NAALADL2: variants seen among roughly 807,000 people sequenced by gnomAD.
NAALADL2 encodes inactive N-acetylated-alpha-linked acidic dipeptidase-like protein 2.
A neutral mutation model predicts 87.2 loss-of-function variants in NAALADL2; 76 were observed. That is an observed-to-expected ratio of 0.87 (90% CI 0.72 to 1.05). NAALADL2 has a LOEUF of 1.05. Ranked by LOEUF, NAALADL2 falls within the 50% of genes least tolerant of loss-of-function variation. The probability of loss-of-function intolerance (pLI) is 0.00; values close to 1 mark genes in which losing one functional copy is unlikely to be tolerated. For synonymous variants in NAALADL2, 354 were observed against 331.0 expected, an observed-to-expected ratio of 1.07 and a Z score of -0.75; for missense variants, 1,089 against 945.8, an observed-to-expected ratio of 1.15 and a Z score of -1.99.
intron 5 of NAALADL2, among the ~76,000 whole-genome samples, chr3:175,390,563 A>G (rs1768948211): frequency 6.6e-6 from 1 of 152,178 alleles, no homozygotes; most frequent in Non-Finnish European, 1.5e-5. Context: ...CTTCGGGATG[A>G]GAGAAGCAAG....
At chr3:174,910,186 G>A (rs1007595763) in intron 1 of NAALADL2, among the ~76,000 whole-genome samples, 3 of 151,792 alleles carry the variant, frequency 2.0e-5, no homozygotes, top group Non-Finnish European at 4.4e-5. Flanking sequence ...ATCACATAGA[G>A]ATCGTCAGAA....
At chr3:175,655,095 G>A (rs1032261877) in intron 11 of NAALADL2, among the ~76,000 whole-genome samples, 1 of 152,094 alleles carries the variant, frequency 6.6e-6, no homozygotes, top group African/African-American at 2.4e-5. Context: ...TTAATTTGAT[G>A]TAGTTATGAT....
intron 11 of NAALADL2, among the ~76,000 whole-genome samples, chr3:175,677,695 A>G (rs1020475518): frequency 1.1e-4 from 16 of 152,124 alleles, no homozygotes; most frequent in African/African-American, 3.9e-4. Context: ...AAAAAAATCA[A>G]TAGAGTATTT....
intron 1 of NAALADL2, among the ~76,000 whole-genome samples, chr3:174,451,855 T>G (rs1202198709): frequency 9.9e-5 from 14 of 142,124 alleles, no homozygotes; most frequent in African/African-American, 2.4e-4. Context: ...TTTTTTTTTT[T>G]TTTTTTTTTT....
chr3:174,713,752 C>G (rs1448995548), intron 2 of NAALADL2, among the ~76,000 whole-genome samples: 1 of 151,596 alleles, frequency 6.6e-6, no homozygotes, highest in Non-Finnish European at 1.5e-5. Flanking sequence ...TTGTAGGTTG[C>G]CTGTTCACTC....
At chr3:175,421,761 G>A (rs542938241) in intron 5 of NAALADL2, among the ~76,000 whole-genome samples, 1 of 152,174 alleles carries the variant, frequency 6.6e-6, no homozygotes, top group South Asian at 2.1e-4. Flanking sequence ...AGCAGAGTAA[G>A]GGAATAAAGG....
chr3:175,802,641 T>G (rs1464928908), intron 13 of NAALADL2, among the ~76,000 whole-genome samples: 1 of 117,110 alleles, frequency 8.5e-6, no homozygotes, highest in Non-Finnish European at 1.6e-5. Context: ...AATGACACAT[T>G]GTGGTATAAT....
intron 13 of NAALADL2, among the ~76,000 whole-genome samples, chr3:175,766,597 C>T (rs9837545): frequency 0.14 from 21,855 of 152,096 alleles, 1,700 homozygotes; most frequent in African/African-American, 0.2. Flanking sequence ...CCTATGAAAT[C>T]ATGTTAGACA....
At chr3:175,141,037 A>T (rs947527824) in intron 2 of NAALADL2, among the ~76,000 whole-genome samples, 1 of 152,148 alleles carries the variant, frequency 6.6e-6, no homozygotes, top group African/African-American at 2.4e-5. Context: ...TCAAAATATC[A>T]TGGAGGATAA....
At chr3:175,234,839 G>T (rs1171098951) in intron 3 of NAALADL2, 1 of 152,130 alleles carries the variant, frequency 6.6e-6, no homozygotes, top group Non-Finnish European at 1.5e-5. Context: ...GAGGAAACGG[G>T]CTGATTTCCT....
At chr3:174,760,302 G>A (rs954485453) in intron 3 of NAALADL2, among the ~76,000 whole-genome samples, 8 of 151,776 alleles carry the variant, frequency 5.3e-5, no homozygotes, top group African/African-American at 1.7e-4. Flanking sequence ...CCTTCCCACC[G>A]AGGAGGAGTG....
chr3:175,405,063 T>A lies in NAALADL2; in HGVS notation c.1091-42166T>A, dbSNP rs77201447. ...ATCACCTATATCCAACTTTATCCTG[T>A]GGGGCTTAATTCATTGTAACTCATG... On this transcript the variant is annotated intron_variant, in intron 5 of 13. Transcript: ENST00000454872. Among the ~76,000 whole-genome samples, 357 of 152,272 alleles carry A rather than the reference T, an allele frequency of 2.3e-3. 2 individuals carry two copies. Among genetic ancestry groups the A allele is most frequent in the African/African-American group, 8.1e-3 (338 of 41,572 alleles).
At chr3:174,588,076 A>C (rs1481311869) in intron 2 of NAALADL2, among the ~76,000 whole-genome samples, 2 of 150,712 alleles carry the variant, frequency 1.3e-5, no homozygotes, top group African/African-American at 4.9e-5. Context: ...GTTTCTTTTT[A>C]CTCTTTTTTC....
intron 2 of NAALADL2, among the ~76,000 whole-genome samples, chr3:175,129,618 C>A (rs1033518117): frequency 2.6e-5 from 4 of 152,146 alleles, no homozygotes; most frequent in African/African-American, 9.7e-5. Context: ...TATGTTATTA[C>A]AAATGGCAGG....
intron 1 of NAALADL2, among the ~76,000 whole-genome samples, chr3:174,876,160 A>G (rs953772631): frequency 1.3e-5 from 2 of 152,166 alleles, no homozygotes; most frequent in African/African-American, 4.8e-5. Flanking sequence ...TACATTCTGC[A>G]CAAAATACAA....
upstream of NAALADL2, among the ~76,000 whole-genome samples, chr3:174,856,281 C>T (rs987997101): frequency 1.2e-4 from 18 of 152,244 alleles, no homozygotes; most frequent in Non-Finnish European, 1.3e-4. Context: ...GCTGGGATTA[C>T]AGTCGTGAGC....
intron 2 of NAALADL2, among the ~76,000 whole-genome samples, chr3:174,573,166 A>T (rs1011378388): frequency 1.2e-4 from 19 of 152,198 alleles, no homozygotes; most frequent in Admixed American, 1.2e-3. Context: ...TACTCCCTTA[A>T]CATGGCTTAG....
chr3:174,640,440 A>T (rs923020729), intron 2 of NAALADL2, among the ~76,000 whole-genome samples: 4 of 147,752 alleles, frequency 2.7e-5, no homozygotes, highest in African/African-American at 1.0e-4. Flanking sequence ...GATCAATTTT[A>T]TAGAAGATTG....
chr3:175,635,323 A>G (rs1339039402), intron 11 of NAALADL2, among the ~76,000 whole-genome samples: 1 of 152,122 alleles, frequency 6.6e-6, no homozygotes, highest in Non-Finnish European at 1.5e-5. Context: ...ATCAAAGTAA[A>G]TACTTCACAA....
Sources: allele counts gnomAD v4.1 joint callset (sites outside exome capture counted in the v4.1 genomes callset), GRCh38; gene constraint gnomAD v4.1.1; transcripts MANE v1.5; gene names NCBI Gene and HGNC (gene_info 2026-07-23, HGNC 2026-07-21).